Variants in ARFIP1 observed in about 807,000 individuals in gnomAD.
ARFIP1 encodes the protein arfaptin-1.
ARFIP1 carries 24 observed loss-of-function variants against 42.5 expected under a neutral mutation model. The observed-to-expected ratio is 0.57, with a 90% CI of 0.41 to 0.80. The LOEUF (loss-of-function observed/expected upper bound fraction) is 0.80. Ranked by LOEUF, ARFIP1 falls within the 30% of genes least tolerant of loss-of-function variation. ARFIP1 has a pLI of 0.00. For missense variants in ARFIP1, 354 were observed against 434.0 expected (o/e 0.82, Z 1.64); for synonymous variants, 141 against 153.7 (o/e 0.92, Z 0.61).
intron 8 of ARFIP1, 88 bp downstream of exon 8, chr4:152,888,395 C>G (rs778258069): frequency 2.0e-5 from 18 of 905,274 alleles, no homozygotes; most frequent in Non-Finnish European, 2.4e-5. Flanking sequence ...TGTTAACTCT[C>G]TTGTATGACA....
intron 2 of ARFIP1, among the ~76,000 whole-genome samples, chr4:152,831,820 T>G (rs1731262769): frequency 6.6e-6 from 1 of 152,170 alleles, no homozygotes; most frequent in Non-Finnish European, 1.5e-5. Flanking sequence ...CGTGCAGGTT[T>G]GTTACATAGG....
At chr4:152,884,262 T>C (rs1373604427) in intron 7 of ARFIP1, among the ~76,000 whole-genome samples, 4 of 151,990 alleles carry the variant, frequency 2.6e-5, no homozygotes, top group African/African-American at 7.2e-5. Context: ...GGAAATCTCT[T>C]CAATAACATT....
At chr4:152,815,142 T>G (rs945048310) in intron 1 of ARFIP1, among the ~76,000 whole-genome samples, 4 of 152,220 alleles carry the variant, frequency 2.6e-5, no homozygotes, top group African/African-American at 9.7e-5. Flanking sequence ...TCTCAGATTT[T>G]GGGATATCCC....
intron 5 of ARFIP1, among the ~76,000 whole-genome samples, chr4:152,874,776 C>T (rs113103867): frequency 0.016 from 2,456 of 152,238 alleles, 62 homozygotes; most frequent in African/African-American, 0.056. Flanking sequence ...GTGATCCTCT[C>T]ACCTCAGCCT....
At chr4:152,830,971 G>A (rs1038885123) in intron 2 of ARFIP1, among the ~76,000 whole-genome samples, 1 of 152,296 alleles carries the variant, frequency 6.6e-6, no homozygotes, top group Admixed American at 6.5e-5. Context: ...TTAATGGCAA[G>A]TGCTTTAACT....
intron 1 of ARFIP1, among the ~76,000 whole-genome samples, chr4:152,792,430 C>T (rs1731196317): frequency 6.6e-6 from 1 of 152,046 alleles, no homozygotes; most frequent in South Asian, 2.1e-4. Context: ...AATTCATATT[C>T]CAGTATGATG....
In ARFIP1 at chr4:152,867,047, G is replaced by A. The variant is rs549153019; in HGVS notation, c.202+3333G>A. ...AGGCAGAGGGGCTCCTCACATCCCA[G>A]ACGATGGGCAGCCAGGCAGAGACGC... is the stretch of plus-strand genomic sequence containing the variant. On this transcript the variant is annotated intron_variant, in intron 3 of 8. Coordinates refer to ENST00000353617, the MANE Select transcript of ARFIP1 (RefSeq NM_001025595.3). Among the ~76,000 whole-genome samples the A allele has an allele frequency of 2.6e-4, 37 of 145,070 alleles. 1 individual carries two copies. In the South Asian group the frequency reaches 7.4e-3, roughly 29 times the overall value.
intron 1 of ARFIP1, among the ~76,000 whole-genome samples, chr4:152,825,552 G>T (rs1250782052): frequency 6.6e-6 from 1 of 152,154 alleles, no homozygotes; most frequent in East Asian, 1.9e-4. Flanking sequence ...ACTCAAGATG[G>T]ATTAAAGACT....
intron 1 of ARFIP1, among the ~76,000 whole-genome samples, chr4:152,806,403 G>A (rs956104115): frequency 2.2e-4 from 34 of 152,246 alleles, no homozygotes; most frequent in African/African-American, 7.0e-4. Flanking sequence ...CACACCTCCC[G>A]CCACCAGACT....
intron 2 of ARFIP1, among the ~76,000 whole-genome samples, chr4:152,862,150 C>T (rs1733946153): frequency 6.6e-6 from 1 of 152,148 alleles, no homozygotes; most frequent in Admixed American, 6.5e-5. Flanking sequence ...CCATGCTATC[C>T]CAATAATATG....
At chr4:152,888,551 C>T (rs1307152958) in intron 8 of ARFIP1, among the ~76,000 whole-genome samples, 1 of 152,042 alleles carries the variant, frequency 6.6e-6, no homozygotes, top group African/African-American at 2.4e-5. Context: ...TGATGGACAG[C>T]CATTGATCTT....
At chr4:152,788,801 C>CTTT (rs138189664) in intron 1 of ARFIP1, among the ~76,000 whole-genome samples, 16 of 113,410 alleles carry the variant, frequency 1.4e-4, no homozygotes, top group Non-Finnish European at 1.8e-4. Context: ...TCCCCAATGT[C>CTTT]TTTTTTTTTT....
chr4:152,847,713 G>A (rs1407375041), intron 2 of ARFIP1, among the ~76,000 whole-genome samples: 2 of 151,930 alleles, frequency 1.3e-5, no homozygotes, highest in African/African-American at 4.8e-5. Flanking sequence ...TTATAGTGCT[G>A]GTCAAAATTA....
At chr4:152,837,087 G>A (rs1731713559) in intron 2 of ARFIP1, among the ~76,000 whole-genome samples, 1 of 152,074 alleles carries the variant, frequency 6.6e-6, no homozygotes, top group Non-Finnish European at 1.5e-5. Flanking sequence ...ATCTCATCCA[G>A]GTCACTCCAA....
chr4:152,884,017 A>C (rs899860683), intron 7 of ARFIP1, among the ~76,000 whole-genome samples: 1 of 152,066 alleles, frequency 6.6e-6, no homozygotes, highest in Non-Finnish European at 1.5e-5. Flanking sequence ...TTGAGTGCTT[A>C]TTAAATATAT....
At chr4:152,841,923 A>G (rs1732116090) in intron 2 of ARFIP1, among the ~76,000 whole-genome samples, 1 of 151,958 alleles carries the variant, frequency 6.6e-6, no homozygotes, top group Admixed American at 6.6e-5. Flanking sequence ...CCCCTACTAC[A>G]CCCCAATTCA....
chr4:152,798,363 G>A (rs1028610254), intron 1 of ARFIP1, among the ~76,000 whole-genome samples: 1 of 152,210 alleles, frequency 6.6e-6, no homozygotes, highest in Non-Finnish European at 1.5e-5. Context: ...TTTAATGGTT[G>A]TAGGACTAAA....
At chr4:152,804,508 T>TA (rs1299203499) in intron 1 of ARFIP1, among the ~76,000 whole-genome samples, 1 of 129,370 alleles carries the variant, frequency 7.7e-6, no homozygotes, top group African/African-American at 2.9e-5. Context: ...ATAATATATA[T>TA]ATATATATAG....
intron 2 of ARFIP1, among the ~76,000 whole-genome samples, chr4:152,856,323 T>G (rs1218045188): frequency 6.6e-6 from 1 of 152,046 alleles, no homozygotes; most frequent in Non-Finnish European, 1.5e-5. Context: ...ACATAACCAT[T>G]CTGGACCTAC....
Sources: allele counts gnomAD v4.1 joint callset (sites outside exome capture counted in the v4.1 genomes callset), GRCh38; gene constraint gnomAD v4.1.1; transcripts MANE v1.5; gene names NCBI Gene and HGNC (gene_info 2026-07-23, HGNC 2026-07-21).